CCDC170: variants seen among roughly 807,000 people sequenced by gnomAD.
The protein encoded by CCDC170 is coiled-coil domain-containing protein 170.
A neutral mutation model predicts 72.6 loss-of-function variants in CCDC170; 69 were observed. The observed-to-expected ratio is 0.95, with a 90% confidence interval of 0.78 to 1.16. The LOEUF (loss-of-function observed/expected upper bound fraction) is 1.16, where lower values mean the gene tolerates loss of function less well. Among genes scored for constraint, CCDC170 ranks in the 50% most tolerant of loss-of-function variants. The pLI is 0.00. For synonymous variants in CCDC170, 300 were observed against 303.9 expected, an observed-to-expected ratio of 0.99 and a Z score of 0.13; for missense variants, 852 against 832.5, an observed-to-expected ratio of 1.02 and a Z score of -0.29.
chr6:151,588,410 G>C (rs112578995), intron 7 of CCDC170, among the ~76,000 whole-genome samples: 1 of 152,132 alleles, frequency 6.6e-6, no homozygotes, highest in Admixed American at 6.5e-5. Flanking sequence ...AAAAGTCCTC[G>C]CCTTCCAAGG....
chr6:151,555,869 C>T (rs1782965935), intron 5 of CCDC170, among the ~76,000 whole-genome samples: 2 of 152,174 alleles, frequency 1.3e-5, no homozygotes, highest in Non-Finnish European at 2.9e-5. Context: ...TTCTTATTGC[C>T]TGTGAGGCTG....
intron 1 of CCDC170, among the ~76,000 whole-genome samples, chr6:151,514,013 G>T (rs1407446806): frequency 6.6e-6 from 1 of 150,480 alleles, no homozygotes. Flanking sequence ...TTTTTTCATC[G>T]ATTAGACAAT....
intron 6 of CCDC170, among the ~76,000 whole-genome samples, chr6:151,582,518 G>T (rs545953621): frequency 2.6e-4 from 39 of 152,278 alleles, no homozygotes; most frequent in Non-Finnish European, 4.6e-4. Flanking sequence ...CTCCATATCA[G>T]CAATAAGGCT....
chr6:151,511,703 C>A (rs988740993), intron 1 of CCDC170, among the ~76,000 whole-genome samples: 1 of 152,178 alleles, frequency 6.6e-6, no homozygotes, highest in African/African-American at 2.4e-5. Flanking sequence ...TCTCACGGAG[C>A]TTACATTCTA....
In CCDC170 at chr6:151,497,634, C is replaced by T. The variant is rs1398114987; in HGVS notation, c.57+3449C>T. Among the ~76,000 whole-genome samples, 6 of 152,130 alleles carry T rather than the reference C, an allele frequency of 3.9e-5. No individual in the cohort carries two copies. In the East Asian group the frequency reaches 9.6e-4, roughly 24 times the overall value. On this transcript the variant is annotated intron_variant, in intron 1 of 10. Transcript: ENST00000239374. ...CTTTGGGGGAAGTTTACAAACATAGCTTTCAGTAAGACTGCATAACTTTGT... is the reference window on the plus strand; with the variant it reads ...CTTTGGGGGAAGTTTACAAACATAGTTTTCAGTAAGACTGCATAACTTTGT...
chr6:151,507,623 A>G (rs1257156774), intron 1 of CCDC170, among the ~76,000 whole-genome samples: 1 of 152,152 alleles, frequency 6.6e-6, no homozygotes, highest in African/African-American at 2.4e-5. Flanking sequence ...CATTATGTAG[A>G]AAACATTGAT....
chr6:151,544,550 T>C (rs1782742116), intron 3 of CCDC170, 22 bp from the exon 4 acceptor site: 1 of 1,599,638 alleles, frequency 6.3e-7, no homozygotes, highest in Non-Finnish European at 8.6e-7. Flanking sequence ...AAATTCTGAC[T>C]TATTTGTTAT....
At chr6:151,516,769 G>T (rs1354687412) in intron 1 of CCDC170, among the ~76,000 whole-genome samples, 3 of 152,186 alleles carry the variant, frequency 2.0e-5, no homozygotes, top group Non-Finnish European at 4.4e-5. Flanking sequence ...CCCAGAGATT[G>T]GTTCAACCAG....
chr6:151,501,455 A>C (rs1781993855), intron 1 of CCDC170, among the ~76,000 whole-genome samples: 1 of 152,232 alleles, frequency 6.6e-6, no homozygotes, highest in Non-Finnish European at 1.5e-5. Flanking sequence ...TAGAGGGCAT[A>C]TAGAAACTCT....
chr6:151,494,651 C>T (rs1198305217), intron 1 of CCDC170, among the ~76,000 whole-genome samples: 1 of 152,116 alleles, frequency 6.6e-6, no homozygotes, highest in Non-Finnish European at 1.5e-5. Context: ...TTCAGTTGTT[C>T]CTGAATGCAT....
At chr6:151,607,883 C>T (rs985041632) in intron 9 of CCDC170, among the ~76,000 whole-genome samples, 4 of 152,176 alleles carry the variant, frequency 2.6e-5, no homozygotes, top group Admixed American at 6.5e-5. Context: ...ATATCTCTCA[C>T]AAGACTTGGG....
intron 1 of CCDC170, among the ~76,000 whole-genome samples, chr6:151,523,892 TG>T (rs1734321410): frequency 6.6e-6 from 1 of 152,200 alleles, no homozygotes; most frequent in Non-Finnish European, 1.5e-5. Flanking sequence ...GGTCTCTTTG[TG>T]TGAGTTATCA....
Position 151,614,781 on chromosome 6 carries a change from C to T in CCDC170, c.1711-662C>T, listed in dbSNP as rs181543955. On this transcript the variant is annotated intron_variant, in intron 9 of 10. Transcript: ENST00000239374. ...AATTCTTTTTGTAAGTAACTCTGGC[C>T]TAATCTTAAGTAATAAGCTAATACG... Among the ~76,000 whole-genome samples the T allele has an allele frequency of 2.6e-4, 40 of 152,182 alleles. No individual in the cohort carries two copies. The East Asian group carries it at 7.1e-3, about 27-fold the overall frequency.
intron 1 of CCDC170, among the ~76,000 whole-genome samples, chr6:151,529,092 T>A (rs1021133645): frequency 6.6e-6 from 1 of 151,958 alleles, no homozygotes; most frequent in African/African-American, 2.4e-5. Flanking sequence ...TGTAAAATTC[T>A]TTTTTTTCTT....
intron 9 of CCDC170, among the ~76,000 whole-genome samples, chr6:151,598,464 C>A (rs907486001): frequency 2.0e-5 from 3 of 152,120 alleles, no homozygotes; most frequent in Admixed American, 6.5e-5. Context: ...AGTGACCCTC[C>A]ATCAGAGGCC....
chr6:151,536,346 C>T lies in CCDC170; in HGVS notation c.86C>T (p.Pro29Leu), dbSNP rs776261278. 5.0e-6 allele frequency: 8 copies of T among 1,613,928 alleles called. No individual in the cohort carries two copies. The highest frequency in any genetic ancestry group is 4.5e-5 in the East Asian group (2 of 44,878). The part of the protein sequence containing the change: ...EETYDHLSEV[P>L]VTREQLNHYR... ...ACTTACGATCATCTTTCGGAAGTCC[C>T]GGTCACGCGGGAGCAGTTAAACCAC... is the stretch of plus-strand genomic sequence containing the variant. The change falls in exon 2 of 11, where the codon CCG (proline) becomes CTG (leucine). Residue 29 changes from proline to leucine, a missense_variant. By Grantham distance (98) the Pro-to-Leu change is moderately conservative. Transcript: ENST00000239374.
chr6:151,588,486 G>A (rs981926222), intron 7 of CCDC170, among the ~76,000 whole-genome samples: 1 of 152,202 alleles, frequency 6.6e-6, no homozygotes, highest in African/African-American at 2.4e-5. Flanking sequence ...CAGTTAGATA[G>A]TCCAGTTCAG....
chr6:151,509,672 TA>T (rs1317690139), intron 1 of CCDC170, among the ~76,000 whole-genome samples: 1 of 152,234 alleles, frequency 6.6e-6, no homozygotes, highest in Non-Finnish European at 1.5e-5. Flanking sequence ...ATGAATTAAT[TA>T]AAATTAAATC....
At chr6:151,538,478 A>G (rs1399538164) in intron 3 of CCDC170, among the ~76,000 whole-genome samples, 177 bp downstream of exon 3, 2 of 152,234 alleles carry the variant, frequency 1.3e-5, no homozygotes, top group Non-Finnish European at 2.9e-5. Context: ...TCCAAGGCTC[A>G]TTTCTAAATG....
Sources: allele counts gnomAD v4.1 joint callset (sites outside exome capture counted in the v4.1 genomes callset), GRCh38; gene constraint gnomAD v4.1.1; transcripts MANE v1.5; gene names NCBI Gene and HGNC (gene_info 2026-07-23, HGNC 2026-07-21).